MYO5B: variants seen among roughly 807,000 people sequenced by gnomAD.
The protein encoded by MYO5B is unconventional myosin-Vb.
A neutral mutation model predicts 229.3 loss-of-function variants in MYO5B; 143 were observed. The ratio of observed to expected loss-of-function variants is 0.62; its 90% CI spans 0.54 to 0.72. MYO5B has a LOEUF of 0.72. Among genes scored for constraint, MYO5B ranks in the 30% least tolerant of loss-of-function variants. The pLI, the probability that MYO5B is intolerant of heterozygous loss-of-function variation, is 0.00. For missense variants in MYO5B, 2,321 were observed against 2,331.0 expected (o/e 1.00, Z 0.09); for synonymous variants, 918 against 885.2 (o/e 1.04, Z -0.66).
chr18:49,984,674 C>T, intron 8 of MYO5B, 44 bp downstream of exon 8: 3 of 1,444,400 alleles, frequency 2.1e-6, no homozygotes, highest in Non-Finnish European at 2.0e-6. Flanking sequence ...CCCTCCGTGC[C>T]ATCAGCCCTC....
intron 32 of MYO5B, among the ~76,000 whole-genome samples, chr18:49,847,569 A>G (rs2024146202): frequency 6.6e-6 from 1 of 152,226 alleles, no homozygotes; most frequent in African/African-American, 2.4e-5. Context: ...AAACATCCGA[A>G]AAGACAGCAG....
intron 1 of MYO5B, among the ~76,000 whole-genome samples, chr18:50,095,980 C>A: frequency 6.6e-6 from 1 of 152,156 alleles, no homozygotes; most frequent in Admixed American, 6.5e-5. Flanking sequence ...GTCAATATCA[C>A]CCACCTCCCA....
At chr18:50,004,260 G>A (rs1176463390) in intron 4 of MYO5B, among the ~76,000 whole-genome samples, 1 of 152,210 alleles carries the variant, frequency 6.6e-6, no homozygotes, top group Non-Finnish European at 1.5e-5. Flanking sequence ...CAACGGAACA[G>A]TAAAACTGGC....
intron 18 of MYO5B, 143 bp downstream of exon 18, chr18:49,911,918 GA>G (rs2144160874): frequency 1.3e-6 from 1 of 747,326 alleles, no homozygotes; most frequent in African/African-American, 1.7e-5. Flanking sequence ...TCTAGTCACT[GA>G]TGTAGGAAAA....
intron 1 of MYO5B, among the ~76,000 whole-genome samples, chr18:50,148,794 C>A (rs1237329363): frequency 2.0e-5 from 3 of 152,092 alleles, no homozygotes; most frequent in Non-Finnish European, 4.4e-5. Flanking sequence ...TGCCCTCTCT[C>A]ACCACTCCTA....
At chr18:50,023,982 A>G (rs2026304552) in intron 4 of MYO5B, among the ~76,000 whole-genome samples, 1 of 152,214 alleles carries the variant, frequency 6.6e-6, no homozygotes, top group Non-Finnish European at 1.5e-5. Context: ...AAAATAAAAT[A>G]TAAGGGGCTC....
At chr18:50,067,817 C>T (rs1050348924) in intron 1 of MYO5B, among the ~76,000 whole-genome samples, 1 of 152,146 alleles carries the variant, frequency 6.6e-6, no homozygotes, top group Non-Finnish European at 1.5e-5. Flanking sequence ...GCCAAATACA[C>T]CTCTTCTATC....
At chr18:50,153,070 T>G (rs987053518) in intron 1 of MYO5B, among the ~76,000 whole-genome samples, 1 of 152,190 alleles carries the variant, frequency 6.6e-6, no homozygotes, top group African/African-American at 2.4e-5. Flanking sequence ...CATAGCTATA[T>G]AAAGCAGGAA....
chr18:49,844,882 AT>A (rs1394009458), intron 33 of MYO5B, among the ~76,000 whole-genome samples: 5 of 152,358 alleles, frequency 3.3e-5, no homozygotes, highest in African/African-American at 1.2e-4. Flanking sequence ...GGAAGAGACG[AT>A]GACACTAGTT....
chr18:50,040,082 G>T, intron 3 of MYO5B, 61 bp downstream of exon 3: 4 of 1,549,548 alleles, frequency 2.6e-6, no homozygotes, highest in South Asian at 1.1e-5. Context: ...TTTGAGTTGA[G>T]CAAGTCTAAA....
chr18:49,869,213 G>A (rs72642497), intron 27 of MYO5B, among the ~76,000 whole-genome samples: 18,837 of 152,148 alleles, frequency 0.12, 1,429 homozygotes, highest in East Asian at 0.29. Flanking sequence ...TGTGCACAGC[G>A]GGAGCTCACT....
intron 39 of MYO5B, among the ~76,000 whole-genome samples, chr18:49,832,759 A>G (rs1249576599): frequency 1.3e-5 from 2 of 152,238 alleles, no homozygotes; most frequent in Admixed American, 6.5e-5. Context: ...AATTTTAATC[A>G]TTTGAAAAAG....
At chr18:49,994,206 T>C (rs2025962854) in intron 5 of MYO5B, among the ~76,000 whole-genome samples, 1 of 152,186 alleles carries the variant, frequency 6.6e-6, no homozygotes. Context: ...CTTCTTCCCC[T>C]TAGCCCATAT....
chr18:50,098,094 T>C (rs576441020), intron 1 of MYO5B, among the ~76,000 whole-genome samples: 104 of 152,216 alleles, frequency 6.8e-4, no homozygotes, highest in Non-Finnish European at 1.2e-3. Context: ...GAAGTCAGAG[T>C]AAAGAATTCC....
intron 10 of MYO5B, chr18:49,969,725 G>A (rs1198442863): frequency 6.6e-6 from 1 of 152,220 alleles, no homozygotes; most frequent in East Asian, 1.9e-4. Context: ...ACCGAATAGA[G>A]TTGGATGCTA....
rs2023797399 is a variant in MYO5B, at chr18:49,823,474, TTC to T, written c.*2995_*2996del. The T allele has an allele frequency of 6.6e-6, 1 of 152,314 alleles. No individual in the cohort carries two copies. Among genetic ancestry groups the T allele is most frequent in the Non-Finnish European group, 1.5e-5 (1 of 68,060 alleles). 9.4% of individuals were successfully genotyped at this position (152,314 alleles called of 1,614,324 possible). ...ATTTACTTTATGCAGAAGAAATGAA[TTC>T]TAATTTATTGGTTACTGGAATCTTA... is the stretch of plus-strand genomic sequence containing the variant. On this transcript the variant is annotated 3_prime_UTR_variant, in exon 40 of 40. Coordinates refer to ENST00000285039, the MANE Select transcript of MYO5B (RefSeq NM_001080467.3).
chr18:50,062,127 T>C (rs547768713), intron 1 of MYO5B, among the ~76,000 whole-genome samples: 163 of 152,234 alleles, frequency 1.1e-3, no homozygotes, highest in African/African-American at 3.5e-3. Context: ...CTGCTGAGTA[T>C]GTATTTTATA....
chr18:50,122,634 GGAGAGA>G (rs778675940), intron 1 of MYO5B, among the ~76,000 whole-genome samples: 14 of 9,250 alleles, frequency 1.5e-3, no homozygotes, highest in African/African-American at 4.0e-3. Flanking sequence ...GAAGGGGGGG[GGAGAGA>G]GAGAGAGAGA....
intron 14 of MYO5B, among the ~76,000 whole-genome samples, chr18:49,946,588 A>T (rs1050910513): frequency 1.3e-5 from 2 of 152,152 alleles, no homozygotes; most frequent in Non-Finnish European, 2.9e-5. Flanking sequence ...TTATACATTA[A>T]ACAGGGACTT....
Sources: gnomAD v4.1 joint callset for allele counts (sites outside exome capture counted in the v4.1 genomes callset) on GRCh38, gnomAD v4.1.1 for gene constraint, MANE v1.5 for transcripts, NCBI Gene and HGNC (gene_info 2026-07-23, HGNC 2026-07-21) for gene names.